The following LRRC4C variants were observed in gnomAD, a reference collection of about 807,000 sequenced individuals.
The protein encoded by LRRC4C is leucine rich repeat containing 4C.
LRRC4C carries 5 observed loss-of-function variants against 33.6 expected under a neutral mutation model. That is an observed-to-expected ratio of 0.15 (90% confidence interval 0.08 to 0.31). LRRC4C has a LOEUF of 0.31. LRRC4C is among the 10% of genes least tolerant of loss of function. The pLI, the probability that LRRC4C is intolerant of heterozygous loss-of-function variation, is 1.00. For missense variants in LRRC4C, 560 were observed against 796.7 expected, an observed-to-expected ratio of 0.70 and a Z score of 3.58; for synonymous variants, 329 against 302.0, an observed-to-expected ratio of 1.09 and a Z score of -0.93.
At chr11:40,457,123 AAAAC>A (rs547438460) in intron 3 of LRRC4C, among the ~76,000 whole-genome samples, 97 of 151,696 alleles carry the variant, frequency 6.4e-4, no homozygotes, top group Non-Finnish European at 1.3e-3. Flanking sequence ...AAAGAAAAAA[AAAAC>A]AGTTACTTGA....
At chr11:40,904,037 C>T (rs1956316183) in intron 2 of LRRC4C, among the ~76,000 whole-genome samples, 1 of 151,894 alleles carries the variant, frequency 6.6e-6, no homozygotes, top group South Asian at 2.1e-4. Flanking sequence ...GGAAGTGGAG[C>T]CTGAAGATTG....
intron 2 of LRRC4C, among the ~76,000 whole-genome samples, chr11:40,907,080 T>C (rs75432736): frequency 1.3e-5 from 2 of 152,192 alleles, no homozygotes; most frequent in African/African-American, 4.8e-5. Flanking sequence ...TATAGAGATA[T>C]GCAAGTATAT....
At chr11:40,870,338 G>A (rs1452702598) in intron 2 of LRRC4C, among the ~76,000 whole-genome samples, 1 of 152,110 alleles carries the variant, frequency 6.6e-6, no homozygotes, top group South Asian at 2.1e-4. Context: ...GGGATATGGT[G>A]TGGAGGATAG....
intron 1 of LRRC4C, among the ~76,000 whole-genome samples, chr11:41,264,312 G>A (rs1355463373): frequency 6.6e-6 from 1 of 151,920 alleles, no homozygotes; most frequent in Non-Finnish European, 1.5e-5. Flanking sequence ...GGATGGTCTT[G>A]ATCTCTTGAT....
At chr11:41,370,283 A>G (rs886258430) in intron 1 of LRRC4C, among the ~76,000 whole-genome samples, 1 of 152,156 alleles carries the variant, frequency 6.6e-6, no homozygotes, top group Non-Finnish European at 1.5e-5. Flanking sequence ...ACCTGGGTTT[A>G]AGTGATCCTC....
intron 2 of LRRC4C, among the ~76,000 whole-genome samples, chr11:40,655,453 T>C (rs1402299125): frequency 6.6e-6 from 1 of 152,190 alleles, no homozygotes; most frequent in Non-Finnish European, 1.5e-5. Context: ...CATGCTATTA[T>C]TAAGTCTATG....
chr11:40,759,899 AAAAT>A (rs1161153219), intron 2 of LRRC4C, among the ~76,000 whole-genome samples: 5 of 151,796 alleles, frequency 3.3e-5, no homozygotes, highest in Admixed American at 2.6e-4. Flanking sequence ...GAGTTAAAAA[AAAAT>A]AGAGAAAAAG....
At chr11:41,250,042 G>A (rs947070308) in intron 1 of LRRC4C, among the ~76,000 whole-genome samples, 6 of 151,854 alleles carry the variant, frequency 4.0e-5, no homozygotes, top group East Asian at 1.9e-4. Flanking sequence ...TGATGGCAGC[G>A]CCTGTAATCC....
At chr11:40,278,629 G>A (rs1274447524) in intron 4 of LRRC4C, among the ~76,000 whole-genome samples, 1 of 152,126 alleles carries the variant, frequency 6.6e-6, no homozygotes, top group Non-Finnish European at 1.5e-5. Context: ...ACAGCCAGAC[G>A]ATTTGCTGGA....
At chr11:40,264,082 AT>A (rs1211158007) in intron 4 of LRRC4C, among the ~76,000 whole-genome samples, 1 of 152,180 alleles carries the variant, frequency 6.6e-6, no homozygotes, top group Non-Finnish European at 1.5e-5. Flanking sequence ...TCTGTGTCCT[AT>A]TTAATAACTA....
chr11:40,487,333 A>G (rs1017300963), intron 3 of LRRC4C, among the ~76,000 whole-genome samples: 1 of 152,128 alleles, frequency 6.6e-6, no homozygotes, highest in East Asian at 1.9e-4. Flanking sequence ...TTGTGGTTAT[A>G]CAAGAAACAT....
intron 1 of LRRC4C, among the ~76,000 whole-genome samples, chr11:41,093,492 T>C (rs1565376894): frequency 6.6e-6 from 1 of 152,188 alleles, no homozygotes; most frequent in Non-Finnish European, 1.5e-5. Context: ...TCATCTCTCC[T>C]CTACTGTAAA....
At chr11:41,289,064 A>G (rs1490021041) in intron 1 of LRRC4C, among the ~76,000 whole-genome samples, 5 of 152,172 alleles carry the variant, frequency 3.3e-5, no homozygotes, top group Non-Finnish European at 7.3e-5. Context: ...ACCTAATCAC[A>G]AGGGTGAAAT....
intron 4 of LRRC4C, among the ~76,000 whole-genome samples, chr11:40,301,362 A>C (rs546017031): frequency 6.6e-6 from 1 of 152,282 alleles, no homozygotes; most frequent in South Asian, 2.1e-4. Flanking sequence ...ATGTGGTAGT[A>C]TTTTTGTACT....
At chr11:40,940,674 C>G (rs1393507890) in intron 1 of LRRC4C, among the ~76,000 whole-genome samples, 1 of 152,118 alleles carries the variant, frequency 6.6e-6, no homozygotes, top group African/African-American at 2.4e-5. Context: ...GCCTCCAGAA[C>G]AGGCTACAAA....
intron 1 of LRRC4C, among the ~76,000 whole-genome samples, chr11:41,429,252 G>C (rs1955151182): frequency 6.6e-6 from 1 of 152,100 alleles, no homozygotes; most frequent in South Asian, 2.1e-4. Flanking sequence ...TAAGTTTCCT[G>C]AGGCCTCCCT....
chr11:40,802,341 T>C (rs1052754985), intron 2 of LRRC4C, among the ~76,000 whole-genome samples: 3 of 151,224 alleles, frequency 2.0e-5, no homozygotes, highest in Non-Finnish European at 4.4e-5. Context: ...TAAATGGTAA[T>C]TTTAAAAAAA....
At chr11:40,272,037 A>G (rs1444187302) in intron 4 of LRRC4C, among the ~76,000 whole-genome samples, 1 of 152,182 alleles carries the variant, frequency 6.6e-6, no homozygotes, top group Non-Finnish European at 1.5e-5. Context: ...ATCAATCCAT[A>G]TCTGCACATT....
At chr11:41,008,084 C>T (rs187800127) in intron 1 of LRRC4C, among the ~76,000 whole-genome samples, 1 of 152,084 alleles carries the variant, frequency 6.6e-6, no homozygotes, top group African/African-American at 2.4e-5. Flanking sequence ...GTACTATTGC[C>T]AAAACATACC....
Sources: gnomAD v4.1 joint callset for allele counts (sites outside exome capture counted in the v4.1 genomes callset) on GRCh38, gnomAD v4.1.1 for gene constraint, MANE v1.5 for transcripts, NCBI Gene and HGNC (gene_info 2026-07-23, HGNC 2026-07-21) for gene names.